The following KCNN1 variants were observed in gnomAD, a reference collection of about 807,000 sequenced individuals.
The protein encoded by KCNN1 is small conductance calcium-activated potassium channel protein 1.
KCNN1 carries 20 observed loss-of-function variants against 44.7 expected under a neutral mutation model. That is an observed-to-expected ratio of 0.45 (90% CI 0.32 to 0.65). The LOEUF is 0.65. Among genes scored for constraint, KCNN1 ranks in the 30% least tolerant of loss-of-function variants. The pLI is 0.05. For synonymous variants in KCNN1, 324 were observed against 341.7 expected (o/e 0.95, Z 0.57); for missense variants, 632 against 785.3 (o/e 0.80, Z 2.33).
rs749143451 is a variant in KCNN1 at position 17,998,175 on chromosome 19, T to C, written c.1401T>C (p.Leu467=). The change falls in exon 10 of 10, where the codon CTT becomes CTC. Residue 467 remains leucine (L), a synonymous_variant. Transcript: ENST00000684775. The surrounding 1 kb of genome is among the most constrained non-coding windows in gnomAD (Gnocchi z 5.4). ...AGACCCAGACCGTCATGTACGACCT[T>C]GTATCGGAGCTGCACGCTCAGCACG... ...LAKTQTVMYD[L]VSELHAQHEE... The C allele has an allele frequency of 1.2e-5, 20 of 1,601,462 alleles. No individual in the cohort carries two copies. The Admixed American group carries it at 3.2e-4, about 26-fold the overall frequency.
chr19:17,974,808 G>A lies in KCNN1; in HGVS notation c.403-284G>A, dbSNP rs1279849885. 6.6e-6 allele frequency among the ~76,000 whole-genome samples: 1 copy of A among 152,218 alleles called. No homozygotes were observed. Among genetic ancestry groups the A allele is most frequent in the Non-Finnish European group, 1.5e-5 (1 of 68,020 alleles). ...GAGGCCAGGCCTCATAAACTGTGAA[G>A]CACTGGACACATCTTGCTGTCAGCC... On this transcript the variant is annotated intron_variant, in intron 2 of 9. Transcript: ENST00000684775. The surrounding 1 kb of genome is among the most constrained non-coding windows in gnomAD (Gnocchi z 7.3).
chr19:17,995,977 T>C (rs565702994), intron 9 of KCNN1, among the ~76,000 whole-genome samples: 40 of 152,226 alleles, frequency 2.6e-4, no homozygotes, highest in African/African-American at 9.4e-4. Context: ...TTGATTCACA[T>C]ATATTTTGTG....
In KCNN1 at chr19:17,967,183, C is replaced by A; in HGVS notation, c.-216C>A. 7 of 939,734 alleles carry A rather than the reference C, an allele frequency of 7.4e-6. No homozygotes were observed. Among genetic ancestry groups the A allele is most frequent in the Non-Finnish European group, 8.9e-6 (7 of 790,518 alleles). 58.2% of individuals were successfully genotyped at this position (939,734 alleles called of 1,614,324 possible). On this transcript the variant is annotated 5_prime_UTR_variant, in exon 1 of 10. Coordinates refer to ENST00000684775, the MANE Select transcript of KCNN1 (RefSeq NM_001386974.1). ...GCCGCCGCCGCCCCCGGCCCCGCCGCCCCCGGGCCCCGCGCCCGCTCGCTG... is the reference window on the plus strand; with the variant it reads ...GCCGCCGCCGCCCCCGGCCCCGCCGACCCCGGGCCCCGCGCCCGCTCGCTG...
intron 1 of KCNN1, among the ~76,000 whole-genome samples, chr19:17,953,317 CTTGG>C (rs1411778468): frequency 5.3e-5 from 8 of 152,208 alleles, no homozygotes; most frequent in African/African-American, 1.9e-4. Context: ...GCTGAGTGAC[CTTGG>C]ACAAGGCCCT....
At chr19:17,977,860 C>T (rs1234204119) in intron 3 of KCNN1, among the ~76,000 whole-genome samples, 1 of 152,060 alleles carries the variant, frequency 6.6e-6, no homozygotes, top group Non-Finnish European at 1.5e-5. Flanking sequence ...ATACGACGCT[C>T]AGCAGAAGAA....
At chr19:17,987,869 G>T (rs542391656) in intron 5 of KCNN1, among the ~76,000 whole-genome samples, 1 of 147,572 alleles carries the variant, frequency 6.8e-6, no homozygotes, top group African/African-American at 2.5e-5. Flanking sequence ...AGGGCCAGGC[G>T]CAGTGGCTTA....
chr19:17,969,855 G>A (rs2031950445), intron 1 of KCNN1, among the ~76,000 whole-genome samples: 1 of 152,222 alleles, frequency 6.6e-6, no homozygotes, highest in South Asian at 2.1e-4. Flanking sequence ...CTGGAGGAGG[G>A]CAGGATCTGG....
intron 7 of KCNN1, among the ~76,000 whole-genome samples, chr19:17,991,528 C>T (rs1400428620): frequency 6.6e-6 from 1 of 151,472 alleles, no homozygotes; most frequent in Non-Finnish European, 1.5e-5. Context: ...AGGTGGATCC[C>T]CTGATGTCAG....
rs996914920 is a variant in KCNN1 at position 17,993,858 on chromosome 19, C to T, written c.1377+299C>T. On this transcript the variant is annotated intron_variant, in intron 9 of 9. Coordinates refer to ENST00000684775, the MANE Select transcript of KCNN1 (RefSeq NM_001386974.1). The surrounding 1 kb of genome is among the most constrained non-coding windows in gnomAD (Gnocchi z 4.5). ...TTGGGGGGTTGAGGCTGCAGTGAGC[C>T]GAGATGGCACCACTGCAGTCCAGCC... Among the ~76,000 whole-genome samples the T allele has an allele frequency of 4.6e-5, 7 of 151,998 alleles. No homozygotes were observed. The highest frequency in any genetic ancestry group is 2.1e-4 in the South Asian group (1 of 4,798).
chr19:17,968,911 C>G (rs773725352), intron 1 of KCNN1, among the ~76,000 whole-genome samples: 13 of 152,172 alleles, frequency 8.5e-5, no homozygotes, highest in Non-Finnish European at 1.9e-4. Flanking sequence ...AGGCTGGTCT[C>G]GAGCTCCTGG....
intron 4 of KCNN1, among the ~76,000 whole-genome samples, chr19:17,984,334 A>G (rs1003266417): frequency 6.6e-6 from 1 of 152,018 alleles, no homozygotes; most frequent in African/African-American, 2.4e-5. Flanking sequence ...CCCCAGCCCT[A>G]TCCTTGGGCT....
At chr19:17,971,217 G>A (rs1172547128) in intron 1 of KCNN1, among the ~76,000 whole-genome samples, 1 of 152,090 alleles carries the variant, frequency 6.6e-6, no homozygotes, top group African/African-American at 2.4e-5. Flanking sequence ...CTGGAATGAC[G>A]ATCTGCTAGT....
At chr19:17,982,897 T>C (rs2032467437) in intron 4 of KCNN1, among the ~76,000 whole-genome samples, 1 of 152,012 alleles carries the variant, frequency 6.6e-6, no homozygotes, top group South Asian at 2.1e-4. Flanking sequence ...TGGGGTGGGC[T>C]AGGTGCGGTG....
rs1316844628 is a variant in KCNN1 at position 17,973,849 on chromosome 19, G to C, written c.-40G>C. On this transcript the variant is annotated 5_prime_UTR_variant, in exon 2 of 10. Coordinates refer to ENST00000684775, the MANE Select transcript of KCNN1 (RefSeq NM_001386974.1). ...AGCCGCTGAGCCATGCCGGGCCCCG[G>C]GCGGCCTGCAGCGAGCCCAACCCCT... 6.5e-7 allele frequency: 1 copy of C among 1,541,136 alleles called. No individual in the cohort carries two copies. The highest frequency in any genetic ancestry group is 1.4e-5 in the African/African-American group (1 of 72,858).
chr19:17,998,068 C>A lies in KCNN1; in HGVS notation c.1378-84C>A. The A allele has an allele frequency of 7.0e-7, 1 of 1,420,886 alleles. No homozygotes were observed. Among genetic ancestry groups the A allele is most frequent in the Non-Finnish European group, 9.3e-7 (1 of 1,072,588 alleles). The allele number at this position is 1,420,886 out of a possible 1,614,324, so 88.0% of individuals were successfully genotyped here. On this transcript the variant is annotated intron_variant, in intron 9 of 9. Coordinates refer to ENST00000684775, the MANE Select transcript of KCNN1 (RefSeq NM_001386974.1). The surrounding 1 kb of genome is among the most constrained non-coding windows in gnomAD (Gnocchi z 5.4). ...ACCCACCTGGAGCGTGTGGGCTGTCCCTCTCTGTCATTGGTGTCGTGGTAT... is the reference window on the plus strand; with the variant it reads ...ACCCACCTGGAGCGTGTGGGCTGTCACTCTCTGTCATTGGTGTCGTGGTAT...
chr19:17,960,742 G>A (rs1253074281), intron 2 of KCNN1, among the ~76,000 whole-genome samples: 1 of 152,164 alleles, frequency 6.6e-6, no homozygotes, highest in Non-Finnish European at 1.5e-5. Context: ...CCCTCCGGAG[G>A]CTCTCAGGAG....
rs780396534 is a variant in KCNN1 at position 17,981,728 on chromosome 19, G to C, written c.518G>C (p.Gly173Ala). The change falls in exon 4 of 10, where the codon GGG (glycine) becomes GCG (alanine). Residue 173 changes from glycine (G) to alanine (A), a missense_variant. Physicochemically the swap from Gly to Ala is moderately conservative, Grantham distance 60. Coordinates refer to ENST00000684775, the MANE Select transcript of KCNN1 (RefSeq NM_001386974.1). ...REIQLFMVDN[G>A]ADDWRIAMTC... is the part of the protein sequence containing the mutation. Reference sequence around the variant, plus strand: ...CCACAGCTGTTCATGGTGGACAACGGGGCTGATGACTGGCGCATCGCCATG... The same window carrying C: ...CCACAGCTGTTCATGGTGGACAACGCGGCTGATGACTGGCGCATCGCCATG... 6.3e-7 allele frequency: 1 copy of C among 1,590,972 alleles called. No homozygotes were observed. The highest frequency in any genetic ancestry group is 8.6e-7 in the Non-Finnish European group (1 of 1,164,054).
intron 1 of KCNN1, among the ~76,000 whole-genome samples, chr19:17,970,247 A>T (rs965903569): frequency 1.5e-5 from 2 of 136,628 alleles, no homozygotes; most frequent in African/African-American, 2.7e-5. Context: ...GGGGTGGGAC[A>T]AGTTCTGAGA....
rs577871264 is a variant in KCNN1, at chr19:17,987,763, G to A, written c.1060-652G>A. On this transcript the variant is annotated intron_variant, in intron 5 of 9. Transcript: ENST00000684775. ...TGTAATCCCAGCACTTTGGGAGGCCGAGGTGGGTGGATCATTTGAGGCCAG... is the reference window on the plus strand; with the variant it reads ...TGTAATCCCAGCACTTTGGGAGGCCAAGGTGGGTGGATCATTTGAGGCCAG... Among the ~76,000 whole-genome samples the A allele has an allele frequency of 8.0e-5, 12 of 149,106 alleles. No homozygotes were observed. In the South Asian group the frequency reaches 2.1e-3, roughly 27 times the overall value.
Sources: gnomAD v4.1 joint callset for allele counts (sites outside exome capture counted in the v4.1 genomes callset) on GRCh38, gnomAD v4.1.1 for gene constraint, Gnocchi (gnomAD v3.1) non-coding constraint, MANE v1.5 for transcripts, NCBI Gene and HGNC (gene_info 2026-07-23, HGNC 2026-07-21) for gene names.